Variants in SCARB2 observed in about 807,000 individuals in gnomAD.
SCARB2 encodes scavenger receptor class B member 2.
A neutral mutation model predicts 58.6 loss-of-function variants in SCARB2; 29 were observed. The ratio of observed to expected loss-of-function variants is 0.49; its 90% CI spans 0.37 to 0.67. The LOEUF (loss-of-function observed/expected upper bound fraction) is 0.67, where lower values mean the gene tolerates loss of function less well. Among genes scored for constraint, SCARB2 ranks in the 30% least tolerant of loss-of-function variants. The pLI is 0.00. For missense variants in SCARB2, 488 were observed against 578.5 expected (o/e 0.84, Z 1.60); for synonymous variants, 195 against 210.1 (o/e 0.93, Z 0.62).
At chr4:76,179,460 G>T (rs777574072) in intron 4 of SCARB2, 57 bp downstream of exon 4, 1 of 1,225,268 alleles carries the variant, frequency 8.2e-7, no homozygotes, top group Non-Finnish European at 1.2e-6. Context: ...CTGGCTTGGG[G>T]TGCCCCAACC....
At chr4:76,229,657 CTG>C (rs1733459455) in intron 1 of SCARB2, among the ~76,000 whole-genome samples, 1 of 152,164 alleles carries the variant, frequency 6.6e-6, no homozygotes, top group Non-Finnish European at 1.5e-5. Flanking sequence ...CAGGCTGGTG[CTG>C]AGAAATACCT....
chr4:76,185,762 T>A (rs1732473369), intron 2 of SCARB2, among the ~76,000 whole-genome samples: 1 of 152,208 alleles, frequency 6.6e-6, no homozygotes. Flanking sequence ...CACCTAATCC[T>A]CTGTTGAGAA....
Position 76,213,730 on chromosome 4 carries a change from C to G in SCARB2, c.-187G>C, listed in dbSNP as rs2109974769. On this transcript the variant is annotated 5_prime_UTR_variant, in exon 1 of 12. Transcript: ENST00000264896. ...CTGGCGAGCGCGGCCCCGGGTGCACCGGGCGGATGGGGCCGCGGAGGGACG... is the reference window on the plus strand; with the variant it reads ...CTGGCGAGCGCGGCCCCGGGTGCACGGGGCGGATGGGGCCGCGGAGGGACG... The G allele has an allele frequency of 4.1e-6, 2 of 493,784 alleles. No homozygotes were observed. The highest frequency in any genetic ancestry group is 2.7e-5 in the South Asian group (1 of 36,908). The allele number at this position is 493,784 out of a possible 1,614,324, so 30.6% of individuals were successfully genotyped here.
intron 2 of SCARB2, among the ~76,000 whole-genome samples, chr4:76,185,721 G>A (rs116190607): frequency 0.015 from 2,337 of 152,234 alleles, 29 homozygotes; most frequent in Non-Finnish European, 0.023. Flanking sequence ...TCATAGTATC[G>A]TTATCTTTCA....
chr4:76,170,945 A>AAT lies in SCARB2; in HGVS notation c.995-962_995-961dup, dbSNP rs35595759. Among the ~76,000 whole-genome samples the AAT allele has an allele frequency of 2.1e-3, 284 of 136,616 alleles. 2 individuals carry two copies. The highest frequency in any genetic ancestry group is 3.8e-3 in the Middle Eastern group (1 of 262). The allele number at this position is 136,616 out of a possible 152,430, so 89.6% of individuals were successfully genotyped here. A position where few individuals can be genotyped will look rare whatever the true frequency, so the allele number is the denominator to read the frequency against. Reference sequence around the variant, plus strand: ...CCAAATAAGTGCTTATGTAAATTTAAATATATATATATATATATATATATA... The same window carrying AAT: ...CCAAATAAGTGCTTATGTAAATTTAAATATATATATATATATATATATATATA... On this transcript the variant is annotated intron_variant, in intron 7 of 11. Coordinates refer to ENST00000264896, the MANE Select transcript of SCARB2 (RefSeq NM_005506.4).
chr4:76,172,028 T>C (rs986091855), intron 7 of SCARB2, among the ~76,000 whole-genome samples: 1 of 149,096 alleles, frequency 6.7e-6, no homozygotes, highest in Admixed American at 6.7e-5. Context: ...TATATACATA[T>C]ATATTAAAAT....
Position 76,177,864 on chromosome 4 carries a change from G to A in SCARB2, c.613-1336C>T, listed in dbSNP as rs1732285515. ...AGAAAGTAGATTAGTGGTTGCCAGGGCCTGGGAGAGTAAGACAGGAATAGG... is the reference window on the plus strand; with the variant it reads ...AGAAAGTAGATTAGTGGTTGCCAGGACCTGGGAGAGTAAGACAGGAATAGG... On this transcript the variant is annotated intron_variant, in intron 4 of 11. Transcript: ENST00000264896. 2.6e-5 allele frequency among the ~76,000 whole-genome samples: 4 copies of A among 152,182 alleles called. No homozygotes were observed. The South Asian group carries it at 8.3e-4, about 31-fold the overall frequency.
intron 1 of SCARB2, among the ~76,000 whole-genome samples, chr4:76,198,849 TG>T (rs2109963430): frequency 6.7e-6 from 1 of 148,566 alleles, no homozygotes; most frequent in Non-Finnish European, 1.5e-5. Context: ...TGAGTGTGTG[TG>T]TGTGTGTGTG....
chr4:76,222,337 G>A (rs1387985551), intron 1 of SCARB2, among the ~76,000 whole-genome samples: 1 of 151,392 alleles, frequency 6.6e-6, no homozygotes, highest in East Asian at 1.9e-4. Context: ...AGCAATCCTC[G>A]TGCCTTGGCC....
chr4:76,181,411 T>C (rs1248866600), intron 2 of SCARB2, among the ~76,000 whole-genome samples: 1 of 152,222 alleles, frequency 6.6e-6, no homozygotes, highest in Non-Finnish European at 1.5e-5. Flanking sequence ...GGGTTATGGT[T>C]TGGTCCTGAA....
At chr4:76,162,284 A>T (rs1318215069) in intron 11 of SCARB2, 2 of 157,044 alleles carry the variant, frequency 1.3e-5, no homozygotes, top group African/African-American at 4.8e-5. Context: ...GGGATAAGAG[A>T]AATAATGGAA....
At chr4:76,196,965 C>T (rs1732725828) in intron 1 of SCARB2, among the ~76,000 whole-genome samples, 1 of 151,920 alleles carries the variant, frequency 6.6e-6, no homozygotes. Context: ...GAGGGTAGGC[C>T]CTGCTAATAG....
At chr4:76,219,335 A>G (rs1019351791) in intron 1 of SCARB2, among the ~76,000 whole-genome samples, 1 of 152,172 alleles carries the variant, frequency 6.6e-6, no homozygotes, top group Admixed American at 6.5e-5. Flanking sequence ...ACTTTGCAAT[A>G]TATCTAATGT....
At chr4:76,189,819 GAACT>G (rs1578729353) in intron 2 of SCARB2, among the ~76,000 whole-genome samples, 1 of 152,170 alleles carries the variant, frequency 6.6e-6, no homozygotes, top group African/African-American at 2.4e-5. Flanking sequence ...GATCTCGTGA[GAACT>G]AACTCAGTAT....
chr4:76,186,033 G>A (rs1224947295), intron 2 of SCARB2, among the ~76,000 whole-genome samples: 1 of 152,212 alleles, frequency 6.6e-6, no homozygotes, highest in Admixed American at 6.5e-5. Flanking sequence ...AACGGCTTGT[G>A]CTAAGCTCTT....
At chr4:76,224,133 C>T (rs1733354240) in intron 1 of SCARB2, among the ~76,000 whole-genome samples, 1 of 152,182 alleles carries the variant, frequency 6.6e-6, no homozygotes, top group African/African-American at 2.4e-5. Flanking sequence ...ATTGCAAAGT[C>T]AGAAAGAAAT....
At chr4:76,233,139 T>G (rs1733521384) in intron 1 of SCARB2, among the ~76,000 whole-genome samples, 1 of 152,242 alleles carries the variant, frequency 6.6e-6, no homozygotes, top group Admixed American at 6.5e-5. Flanking sequence ...CTATTTCCAG[T>G]AGTCTCAATT....
chr4:76,200,996 T>A (rs1179197152), intron 1 of SCARB2, among the ~76,000 whole-genome samples: 2 of 152,206 alleles, frequency 1.3e-5, no homozygotes, highest in African/African-American at 4.8e-5. Flanking sequence ...GAACAGATAC[T>A]CCACCCCTGC....
At chr4:76,215,705 C>T (rs78737354), upstream of SCARB2, among the ~76,000 whole-genome samples, 15,480 of 152,054 alleles carry the variant, frequency 0.1, 1,052 homozygotes, top group East Asian at 0.36. Context: ...TCAAGTCACC[C>T]CTAAGTTCAG....
Sources: gnomAD v4.1 joint callset for allele counts (sites outside exome capture counted in the v4.1 genomes callset) on GRCh38, gnomAD v4.1.1 for gene constraint, MANE v1.5 for transcripts, NCBI Gene and HGNC (gene_info 2026-07-23, HGNC 2026-07-21) for gene names.